Variants in DLGAP2 observed in about 807,000 individuals in gnomAD.
The protein encoded by DLGAP2 is DLG associated protein 2, also known as disks large-associated protein 2.
A neutral mutation model predicts 100.3 loss-of-function variants in DLGAP2; 26 were observed. The observed-to-expected ratio is 0.26, with a 90% CI of 0.19 to 0.36. DLGAP2 has a LOEUF of 0.36. DLGAP2 is among the 10% of genes least tolerant of loss of function. The pLI, the probability that DLGAP2 is intolerant of heterozygous loss-of-function variation, is 1.00. For synonymous variants in DLGAP2, 886 were observed against 630.1 expected, an observed-to-expected ratio of 1.41 and a Z score of -6.08; for missense variants, 1,858 against 1,453.2, an observed-to-expected ratio of 1.28 and a Z score of -4.53.
At chr8:1,385,668 C>T (rs1162807457) in intron 3 of DLGAP2, among the ~76,000 whole-genome samples, 1 of 94,756 alleles carries the variant, frequency 1.1e-5, no homozygotes, top group Non-Finnish European at 2.4e-5. Context: ...GTTACCCCGG[C>T]CTGTGCCCGT....
At chr8:1,474,582 CAAAA>C (rs916326352) in intron 3 of DLGAP2, among the ~76,000 whole-genome samples, 19 of 152,188 alleles carry the variant, frequency 1.2e-4, no homozygotes, top group African/African-American at 4.6e-4. Flanking sequence ...AGGCACCTCT[CAAAA>C]GAAAGAAGAC....
chr8:841,278 G>A (rs1448560885), intron 1 of DLGAP2, among the ~76,000 whole-genome samples: 2 of 152,162 alleles, frequency 1.3e-5, no homozygotes, highest in Non-Finnish European at 2.9e-5. Context: ...CATGGCGCAC[G>A]TTTGGCATCT....
At chr8:1,516,451 G>GTGAC (rs914744741) in intron 4 of DLGAP2, among the ~76,000 whole-genome samples, 1 of 151,236 alleles carries the variant, frequency 6.6e-6, no homozygotes, top group South Asian at 2.1e-4. Context: ...GAGGGAAAGA[G>GTGAC]TGACTGAGTG....
intron 6 of DLGAP2, among the ~76,000 whole-genome samples, chr8:1,584,912 A>T (rs573201897): frequency 5.9e-5 from 9 of 152,270 alleles, no homozygotes; most frequent in Admixed American, 3.3e-4. Context: ...CTTCTTGTGC[A>T]TACCAACTCT....
chr8:1,619,194 G>T (rs1797251238), intron 6 of DLGAP2, among the ~76,000 whole-genome samples: 1 of 152,180 alleles, frequency 6.6e-6, no homozygotes, highest in Non-Finnish European at 1.5e-5. Flanking sequence ...AAGCCAAAAG[G>T]TTACTTTGCA....
intron 8 of DLGAP2, among the ~76,000 whole-genome samples, chr8:1,663,777 G>C (rs1452363050): frequency 6.6e-6 from 1 of 152,172 alleles, no homozygotes; most frequent in African/African-American, 2.4e-5. Flanking sequence ...CCAGAGGAAA[G>C]CAGAGCAAAA....
chr8:1,181,865 G>A (rs59019169), intron 2 of DLGAP2, among the ~76,000 whole-genome samples: 3,275 of 152,256 alleles, frequency 0.022, 130 homozygotes, highest in African/African-American at 0.076. Flanking sequence ...GCACCCCCTG[G>A]AGAGGACTTT....
chr8:1,316,148 C>G (rs535170653), intron 3 of DLGAP2, among the ~76,000 whole-genome samples: 2,080 of 120,590 alleles, frequency 0.017, 162 homozygotes, highest in African/African-American at 0.06. Context: ...TGCAGCGTCT[C>G]CCCAACAGTG....
Position 1,497,510 on chromosome 8 carries a change from C to A in DLGAP2, c.107-3856C>A, listed in dbSNP as rs1275673417. Among the ~76,000 whole-genome samples, 3 of 152,172 alleles carry A rather than the reference C, an allele frequency of 2.0e-5. No homozygotes were observed. The South Asian group carries it at 6.2e-4, about 32-fold the overall frequency. ...ACTGGTGGAGCAAATGGTTCTCCTCCCTTATACGAGGAGGCCAGGAGAGAG... is the reference window on the plus strand; with the variant it reads ...ACTGGTGGAGCAAATGGTTCTCCTCACTTATACGAGGAGGCCAGGAGAGAG... On this transcript the variant is annotated intron_variant, in intron 3 of 14. Coordinates refer to ENST00000637795, the MANE Select transcript of DLGAP2 (RefSeq NM_001346810.2).
At chr8:1,092,408 C>T (rs766103321) in intron 2 of DLGAP2, among the ~76,000 whole-genome samples, 4 of 152,234 alleles carry the variant, frequency 2.6e-5, no homozygotes, top group Non-Finnish European at 5.9e-5. Flanking sequence ...TCAGCGATCC[C>T]GGGGCTGGCT....
chr8:1,658,376 C>T (rs531180718), intron 8 of DLGAP2, among the ~76,000 whole-genome samples: 3 of 152,118 alleles, frequency 2.0e-5, no homozygotes, highest in Non-Finnish European at 4.4e-5. Flanking sequence ...AAAGAAGAAA[C>T]GGTTTAGGGG....
chr8:1,562,657 A>G (rs1297523856), intron 5 of DLGAP2, among the ~76,000 whole-genome samples: 143 of 22,202 alleles, frequency 6.4e-3, no homozygotes, highest in African/African-American at 8.2e-3. Flanking sequence ...TTGCTGGGGG[A>G]CTGTGTGGTG....
At chr8:1,303,822 A>C (rs748541967) in intron 3 of DLGAP2, among the ~76,000 whole-genome samples, 25 of 152,178 alleles carry the variant, frequency 1.6e-4, no homozygotes, top group Non-Finnish European at 3.2e-4. Context: ...CGCTGAGGAG[A>C]AGGCGGGACT....
At chr8:1,007,593 A>G (rs1260299498) in intron 2 of DLGAP2, among the ~76,000 whole-genome samples, 1 of 141,780 alleles carries the variant, frequency 7.1e-6, no homozygotes, top group Non-Finnish European at 1.5e-5. Context: ...TGAAGGCACC[A>G]GTGGTCCAGT....
At chr8:1,558,492 C>T (rs1357202106) in intron 5 of DLGAP2, among the ~76,000 whole-genome samples, 2 of 152,176 alleles carry the variant, frequency 1.3e-5, no homozygotes, top group African/African-American at 4.8e-5. Flanking sequence ...TACAAACATG[C>T]ACACACATAC....
chr8:1,654,187 G>A (rs1241417632), intron 8 of DLGAP2, among the ~76,000 whole-genome samples: 8 of 152,180 alleles, frequency 5.3e-5, no homozygotes, highest in Non-Finnish European at 7.3e-5. Flanking sequence ...GTACGCACAT[G>A]CACATATGGA....
chr8:1,590,775 C>G (rs1325481778), intron 6 of DLGAP2, among the ~76,000 whole-genome samples: 2 of 152,176 alleles, frequency 1.3e-5, no homozygotes, highest in Non-Finnish European at 2.9e-5. Context: ...GAGGGACATT[C>G]CTTCCTCCCC....
At chr8:790,253 G>C (rs1332360879) in intron 1 of DLGAP2, among the ~76,000 whole-genome samples, 1 of 152,178 alleles carries the variant, frequency 6.6e-6, no homozygotes, top group Non-Finnish European at 1.5e-5. Flanking sequence ...GGCTGGACAA[G>C]CACCATGCAT....
At chr8:898,116 A>T (rs1184291756) in intron 1 of DLGAP2, among the ~76,000 whole-genome samples, 1 of 152,230 alleles carries the variant, frequency 6.6e-6, no homozygotes, top group Non-Finnish European at 1.5e-5. Flanking sequence ...CGATACCCGT[A>T]CAAGTGGGCA....
Sources: allele counts gnomAD v4.1 joint callset (sites outside exome capture counted in the v4.1 genomes callset), GRCh38; gene constraint gnomAD v4.1.1; transcripts MANE v1.5; gene names NCBI Gene and HGNC (gene_info 2026-07-23, HGNC 2026-07-21).